The following SYT9 variants were observed in gnomAD, a reference collection of about 807,000 sequenced individuals.
SYT9 encodes the protein synaptotagmin 9.
Under a neutral mutation model 48.4 loss-of-function variants are expected in SYT9, and 22 were observed. That is an observed-to-expected ratio of 0.45 (90% CI 0.32 to 0.65). The LOEUF is 0.65. Ranked by LOEUF, SYT9 falls within the 30% of genes least tolerant of loss-of-function variation. SYT9 has a pLI of 0.03. For missense variants in SYT9, 577 were observed against 622.0 expected (o/e 0.93, Z 0.77); for synonymous variants, 265 against 245.0 (o/e 1.08, Z -0.76).
intron 3 of SYT9, among the ~76,000 whole-genome samples, chr11:7,405,373 C>T (rs145065707): frequency 2.2e-3 from 328 of 152,172 alleles, no homozygotes; most frequent in Middle Eastern, 6.8e-3. Flanking sequence ...CGTTGGGGAG[C>T]AAAATTACTC....
intron 6 of SYT9, among the ~76,000 whole-genome samples, chr11:7,454,469 A>G (rs1848112417): frequency 6.6e-6 from 1 of 152,124 alleles, no homozygotes; most frequent in Non-Finnish European, 1.5e-5. Context: ...ATTCCCCCAA[A>G]GCATGCAAAT....
intron 6 of SYT9, among the ~76,000 whole-genome samples, chr11:7,429,978 T>G (rs1847535736): frequency 6.6e-6 from 1 of 152,180 alleles, no homozygotes; most frequent in Admixed American, 6.5e-5. Flanking sequence ...GATCACTCCC[T>G]TGAGCTGATA....
chr11:7,368,506 TC>T (rs931138177), intron 3 of SYT9, among the ~76,000 whole-genome samples: 4 of 152,156 alleles, frequency 2.6e-5, no homozygotes, highest in Non-Finnish European at 5.9e-5. Flanking sequence ...CCTAATGCTC[TC>T]CCTCCCCTTG....
At position 7,252,424 on chromosome 11, in the gene SYT9, C is replaced by T; in HGVS notation, c.145+93C>T. The T allele has an allele frequency of 7.7e-7, 1 of 1,300,872 alleles. No individual in the cohort carries two copies. The highest frequency in any genetic ancestry group is 9.8e-7 in the Non-Finnish European group (1 of 1,016,058). 80.6% of individuals were successfully genotyped at this position (1,300,872 alleles called of 1,614,324 possible). Reference sequence around the variant, plus strand: ...GCCTGAGGCAGAACAGCGACGCGGACTGGGAGAGGGCGGGGGGCGGCCACC... The same window carrying T: ...GCCTGAGGCAGAACAGCGACGCGGATTGGGAGAGGGCGGGGGGCGGCCACC... On this transcript the variant is annotated intron_variant, in intron 1 of 6. Coordinates refer to ENST00000318881, the MANE Select transcript of SYT9 (RefSeq NM_175733.4). The surrounding 1 kb of genome is among the most constrained non-coding windows in gnomAD (Gnocchi z 6.3).
chr11:7,261,473 T>C (rs143988760), intron 1 of SYT9, among the ~76,000 whole-genome samples: 261 of 152,202 alleles, frequency 1.7e-3, no homozygotes, highest in African/African-American at 6.0e-3. Context: ...GTATTGTACA[T>C]ACAGTAGGGA....
intron 3 of SYT9, among the ~76,000 whole-genome samples, chr11:7,376,371 C>T (rs973126323): frequency 9.0e-6 from 1 of 111,498 alleles, no homozygotes; most frequent in Admixed American, 8.9e-5. Context: ...CTTCCTTCCT[C>T]CTCCCCTCCC....
At chr11:7,413,888 G>A (rs1321032297) in intron 3 of SYT9, among the ~76,000 whole-genome samples, 1 of 151,902 alleles carries the variant, frequency 6.6e-6, no homozygotes, top group Non-Finnish European at 1.5e-5. Flanking sequence ...ACGAGCCACT[G>A]CACCCAGCTA....
At chr11:7,426,159 A>G (rs1847453549) in intron 6 of SYT9, among the ~76,000 whole-genome samples, 2 of 152,028 alleles carry the variant, frequency 1.3e-5, no homozygotes, top group Non-Finnish European at 2.9e-5. Context: ...CCTCCCTCCC[A>G]GCTAGGTATA....
intron 3 of SYT9, among the ~76,000 whole-genome samples, chr11:7,400,669 A>AAG (rs1221802386): frequency 3.3e-5 from 5 of 152,206 alleles, no homozygotes; most frequent in African/African-American, 9.6e-5. Flanking sequence ...TATAAAATCA[A>AAG]AGAGAGACTT....
chr11:7,319,934 A>G (rs1564860869), intron 3 of SYT9, among the ~76,000 whole-genome samples: 3 of 152,188 alleles, frequency 2.0e-5, no homozygotes, highest in African/African-American at 7.2e-5. Flanking sequence ...TCTGCTACAC[A>G]TTAAGAAGAA....
chr11:7,405,582 G>A (rs1846992338), intron 3 of SYT9, among the ~76,000 whole-genome samples: 1 of 152,138 alleles, frequency 6.6e-6, no homozygotes, highest in Admixed American at 6.5e-5. Context: ...TTAGCTCCCA[G>A]CATCTGGAAA....
At chr11:7,405,022 T>C (rs1401290059) in intron 3 of SYT9, among the ~76,000 whole-genome samples, 1 of 151,898 alleles carries the variant, frequency 6.6e-6, no homozygotes, top group Non-Finnish European at 1.5e-5. Context: ...ATGGTGTTTT[T>C]CTTCCCCTTG....
chr11:7,303,542 A>T, intron 2 of SYT9, 152 bp downstream of exon 2: 1 of 704,672 alleles, frequency 1.4e-6, no homozygotes, highest in South Asian at 2.0e-5. Flanking sequence ...CATGCTTCCT[A>T]CGCCCTCCTT....
At chr11:7,391,997 A>T (rs1846627916) in intron 3 of SYT9, among the ~76,000 whole-genome samples, 1 of 151,736 alleles carries the variant, frequency 6.6e-6, no homozygotes, top group Admixed American at 6.6e-5. Flanking sequence ...TAATTTCCTT[A>T]TAGATTCTGT....
At chr11:7,459,675 G>C (rs1848207218) in intron 6 of SYT9, among the ~76,000 whole-genome samples, 1 of 152,168 alleles carries the variant, frequency 6.6e-6, no homozygotes, top group Non-Finnish European at 1.5e-5. Flanking sequence ...GGTCTTTGCA[G>C]GCATGTTAAG....
chr11:7,454,357 T>C, intron 6 of SYT9: 1 of 964,122 alleles, frequency 1.0e-6, no homozygotes, highest in Non-Finnish European at 1.2e-6. Context: ...CAGGCTTCTC[T>C]ACAGCCATCT....
chr11:7,458,390 A>G (rs1848186425), intron 6 of SYT9, among the ~76,000 whole-genome samples: 1 of 152,278 alleles, frequency 6.6e-6, no homozygotes, highest in Admixed American at 6.5e-5. Context: ...CTGAGGCAGG[A>G]GAGTCACTTG....
At chr11:7,290,485 T>C (rs1329052958) in intron 1 of SYT9, among the ~76,000 whole-genome samples, 1 of 152,190 alleles carries the variant, frequency 6.6e-6, no homozygotes, top group Non-Finnish European at 1.5e-5. Flanking sequence ...GAGTCTTAAA[T>C]GTTTAGAGAA....
chr11:7,454,877 A>T (rs116970756), intron 6 of SYT9, among the ~76,000 whole-genome samples: 2 of 152,194 alleles, frequency 1.3e-5, no homozygotes, highest in Non-Finnish European at 2.9e-5. Flanking sequence ...TGCCTGGAGG[A>T]GGCTTCTGTT....
Sources: allele counts gnomAD v4.1 joint callset (sites outside exome capture counted in the v4.1 genomes callset), GRCh38; gene constraint gnomAD v4.1.1; non-coding constraint Gnocchi (gnomAD v3.1); transcripts MANE v1.5; gene names NCBI Gene and HGNC (gene_info 2026-07-23, HGNC 2026-07-21).